The following DSCAM variants were observed in gnomAD, a reference collection of about 807,000 sequenced individuals.
DSCAM encodes the protein DS cell adhesion molecule.
DSCAM carries 47 observed loss-of-function variants against 217.7 expected under a neutral mutation model. The observed-to-expected ratio is 0.22, with a 90% CI of 0.17 to 0.28. The LOEUF (loss-of-function observed/expected upper bound fraction) is 0.28, where lower values mean the gene tolerates loss of function less well. Ranked by LOEUF, DSCAM falls within the 10% of genes least tolerant of loss-of-function variation. DSCAM has a pLI of 1.00. For synonymous variants in DSCAM, 1,056 were observed against 1,015.3 expected, an observed-to-expected ratio of 1.04 and a Z score of -0.76; for missense variants, 2,080 against 2,618.3, an observed-to-expected ratio of 0.79 and a Z score of 4.49.
At chr21:40,633,806 C>T (rs2089722453) in intron 3 of DSCAM, among the ~76,000 whole-genome samples, 1 of 152,160 alleles carries the variant, frequency 6.6e-6, no homozygotes, top group African/African-American at 2.4e-5. Flanking sequence ...GTGTAAGATG[C>T]TTGGATGTGT....
intron 11 of DSCAM, among the ~76,000 whole-genome samples, chr21:40,251,489 T>C (rs891285281): frequency 5.9e-5 from 9 of 152,238 alleles, no homozygotes; most frequent in African/African-American, 2.2e-4. Flanking sequence ...TATTTCCTAG[T>C]CTTCCCTTGT....
At chr21:40,761,692 C>A (rs1423863074) in intron 1 of DSCAM, among the ~76,000 whole-genome samples, 2 of 152,070 alleles carry the variant, frequency 1.3e-5, no homozygotes, top group Non-Finnish European at 2.9e-5. Flanking sequence ...AGAAACGATC[C>A]CAATTAGAGA....
chr21:40,484,603 A>G (rs2076009360), intron 3 of DSCAM, among the ~76,000 whole-genome samples: 1 of 140,126 alleles, frequency 7.1e-6, no homozygotes, highest in Non-Finnish European at 1.5e-5. Context: ...CTAAAAAAGA[A>G]ACTCTTGGAT....
intron 3 of DSCAM, among the ~76,000 whole-genome samples, chr21:40,386,579 C>T (rs903834522): frequency 6.6e-6 from 1 of 152,222 alleles, no homozygotes; most frequent in Non-Finnish European, 1.5e-5. Context: ...CTGAAAAACG[C>T]TCCCAGAAAT....
intron 20 of DSCAM, among the ~76,000 whole-genome samples, chr21:40,108,201 A>G (rs1267136935): frequency 6.6e-6 from 1 of 152,222 alleles, no homozygotes; most frequent in African/African-American, 2.4e-5. Flanking sequence ...GCATTCAAAC[A>G]GGAAGAGAGG....
At chr21:40,552,175 A>G (rs796070027) in intron 3 of DSCAM, among the ~76,000 whole-genome samples, 10 of 152,208 alleles carry the variant, frequency 6.6e-5, no homozygotes, top group African/African-American at 2.4e-4. Flanking sequence ...TTAGCCAGGC[A>G]TGGTGGCGTG....
At chr21:40,821,095 G>GATATATATATCTTCACATATAT (rs2091922077) in intron 1 of DSCAM, among the ~76,000 whole-genome samples, 1 of 144,374 alleles carries the variant, frequency 6.9e-6, no homozygotes, top group African/African-American at 2.6e-5. Flanking sequence ...TATATAGAGA[G>GATATATATATCTTCACATATAT]ATATATATAT....
intron 3 of DSCAM, among the ~76,000 whole-genome samples, chr21:40,620,814 T>C (rs1294948093): frequency 6.6e-6 from 1 of 152,248 alleles, no homozygotes; most frequent in Non-Finnish European, 1.5e-5. Context: ...CTACTGGTTG[T>C]ATTCATGATG....
intron 3 of DSCAM, among the ~76,000 whole-genome samples, chr21:40,382,422 C>T (rs2075035741): frequency 6.6e-6 from 1 of 152,174 alleles, no homozygotes; most frequent in African/African-American, 2.4e-5. Flanking sequence ...GCTTTGAGAC[C>T]AGCAAGTCTA....
chr21:40,327,770 G>T (rs1052207842), intron 8 of DSCAM, among the ~76,000 whole-genome samples: 2 of 151,924 alleles, frequency 1.3e-5, no homozygotes, highest in Non-Finnish European at 2.9e-5. Context: ...GTTAAATTTT[G>T]TCAAGTATTT....
At chr21:40,064,157 GTA>G (rs535599025) in intron 27 of DSCAM, among the ~76,000 whole-genome samples, 1 of 142,742 alleles carries the variant, frequency 7.0e-6, no homozygotes. Context: ...CTTCATGTAT[GTA>G]TATATATATA....
chr21:40,305,389 C>CAAAAA (rs58738453), intron 9 of DSCAM, among the ~76,000 whole-genome samples: 21 of 68,550 alleles, frequency 3.1e-4, no homozygotes, highest in African/African-American at 7.5e-4. Context: ...GATCCCGTCT[C>CAAAAA]AAAAAAAAAA....
chr21:40,083,642 A>G (rs1374249693), intron 24 of DSCAM, among the ~76,000 whole-genome samples: 1 of 152,250 alleles, frequency 6.6e-6, no homozygotes, highest in African/African-American at 2.4e-5. Flanking sequence ...AAAAAGAGAT[A>G]TCCAAATTTC....
intron 20 of DSCAM, among the ~76,000 whole-genome samples, chr21:40,109,580 G>A (rs982009066): frequency 4.6e-5 from 7 of 152,324 alleles, no homozygotes; most frequent in South Asian, 2.1e-4. Context: ...GCAGGACAGC[G>A]GGTGCAGCGC....
At chr21:40,266,986 A>T (rs1288423108) in intron 11 of DSCAM, among the ~76,000 whole-genome samples, 1 of 130,090 alleles carries the variant, frequency 7.7e-6, no homozygotes. Context: ...GGGCACACAA[A>T]GGCATACAGA....
At chr21:40,817,719 A>T (rs1016912802) in intron 1 of DSCAM, among the ~76,000 whole-genome samples, 1 of 152,186 alleles carries the variant, frequency 6.6e-6, no homozygotes, top group Non-Finnish European at 1.5e-5. Flanking sequence ...GGACTTTCAA[A>T]TTTACAGCTA....
chr21:40,739,780 A>C (rs1349306399), intron 1 of DSCAM, among the ~76,000 whole-genome samples: 2 of 122,600 alleles, frequency 1.6e-5, no homozygotes, highest in Non-Finnish European at 1.6e-5. Flanking sequence ...TTAGAGAATT[A>C]GTTTTTTTTT....
chr21:40,507,328 C>T (rs11700420), intron 3 of DSCAM, among the ~76,000 whole-genome samples: 116,938 of 152,178 alleles, frequency 0.77, 45,775 homozygotes, highest in African/African-American at 0.93. Context: ...AACTATTCAA[C>T]ACCAGTAGCA....
chr21:40,434,197 ACATTAATGC>A (rs2075562693), intron 3 of DSCAM, among the ~76,000 whole-genome samples: 1 of 152,130 alleles, frequency 6.6e-6, no homozygotes, highest in Admixed American at 6.5e-5. Context: ...TTATTCTCAA[ACATTAATGC>A]CACACAAAGT....
Sources: allele counts gnomAD v4.1 joint callset (sites outside exome capture counted in the v4.1 genomes callset), GRCh38; gene constraint gnomAD v4.1.1; transcripts MANE v1.5; gene names NCBI Gene and HGNC (gene_info 2026-07-23, HGNC 2026-07-21).